The following FOXP2 variants were observed in gnomAD, a reference collection of about 807,000 sequenced individuals.
The protein encoded by FOXP2 is forkhead box protein P2.
FOXP2 carries 12 observed loss-of-function variants against 115.8 expected under a neutral mutation model. That is an observed-to-expected ratio of 0.10 (90% CI 0.07 to 0.17). The LOEUF is 0.17. Among genes scored for constraint, FOXP2 ranks in the 10% least tolerant of loss-of-function variants. The probability of loss-of-function intolerance (pLI) is 1.00; values close to 1 mark genes in which losing one functional copy is unlikely to be tolerated. For synonymous variants in FOXP2, 328 were observed against 297.7 expected (o/e 1.10, Z -1.05); for missense variants, 629 against 843.5 (o/e 0.75, Z 3.15).
intron 10 of FOXP2, chr7:114,656,575 T>C (rs1806602312): frequency 2.4e-6 from 1 of 417,474 alleles, no homozygotes; most frequent in Non-Finnish European, 4.8e-6. Context: ...TTTAGGAGCA[T>C]TATCTCAGCT....
intron 16 of FOXP2, among the ~76,000 whole-genome samples, chr7:114,675,669 T>C (rs1188355882): frequency 6.6e-6 from 1 of 152,168 alleles, no homozygotes; most frequent in Non-Finnish European, 1.5e-5. Flanking sequence ...GTACTGAAGA[T>C]TGTAGATGGT....
chr7:114,366,552 C>T (rs1791887852), intron 2 of FOXP2: 5 of 152,100 alleles, frequency 3.3e-5, no homozygotes, highest in Admixed American at 3.3e-4. Context: ...TGTCAATAAA[C>T]TCATCTGGCT....
intron 1 of FOXP2, chr7:114,419,744 A>ACC (rs956438554): frequency 5.9e-5 from 9 of 152,408 alleles, no homozygotes; most frequent in African/African-American, 1.9e-4. Context: ...ACACACACAC[A>ACC]CACCCCAGAA....
chr7:114,523,487 G>T (rs1798719307), intron 2 of FOXP2, among the ~76,000 whole-genome samples: 1 of 152,056 alleles, frequency 6.6e-6, no homozygotes, highest in African/African-American at 2.4e-5. Flanking sequence ...TAGATCTGCG[G>T]TAGCATTTCC....
chr7:114,631,785 GAGAA>G (rs1353771998), intron 6 of FOXP2, 80 bp downstream of exon 6: 69 of 1,473,194 alleles, frequency 4.7e-5, no homozygotes, highest in Middle Eastern at 3.4e-4. Flanking sequence ...CTTATACCTT[GAGAA>G]ATTTTGTTTT....
chr7:114,385,579 G>A (rs764328768), intron 2 of FOXP2, among the ~76,000 whole-genome samples: 4 of 152,132 alleles, frequency 2.6e-5, no homozygotes, highest in African/African-American at 9.7e-5. Context: ...CAGTAGAAGG[G>A]TTGGGGGTTG....
chr7:114,375,032 A>C (rs17136986), intron 2 of FOXP2, among the ~76,000 whole-genome samples: 1 of 152,130 alleles, frequency 6.6e-6, no homozygotes, highest in Non-Finnish European at 1.5e-5. Flanking sequence ...AGGTGGAAAC[A>C]CAGAAAAGTT....
At chr7:114,337,168 T>C (rs1797873211) in intron 2 of FOXP2, among the ~76,000 whole-genome samples, 2 of 151,456 alleles carry the variant, frequency 1.3e-5, no homozygotes, top group African/African-American at 4.8e-5. Context: ...TTATATATAA[T>C]GGTTTAAAAC....
intron 2 of FOXP2, among the ~76,000 whole-genome samples, chr7:114,349,282 G>A (rs1335698464): frequency 2.0e-5 from 3 of 151,886 alleles, no homozygotes; most frequent in Non-Finnish European, 2.9e-5. Context: ...TTTGATAGTG[G>A]GAATGTAAAG....
At chr7:114,172,896 T>C (rs958697772) in intron 1 of FOXP2, among the ~76,000 whole-genome samples, 12 of 152,128 alleles carry the variant, frequency 7.9e-5, no homozygotes, top group African/African-American at 2.9e-4. Context: ...TATTTCGTGA[T>C]GTTACAAAGC....
At chr7:114,362,346 T>C (rs1791770727) in intron 2 of FOXP2, among the ~76,000 whole-genome samples, 1 of 152,062 alleles carries the variant, frequency 6.6e-6, no homozygotes, top group South Asian at 2.1e-4. Flanking sequence ...GGTCACAAAG[T>C]TGAATTCCGG....
At chr7:114,612,199 T>A (rs1803666271) in intron 3 of FOXP2, among the ~76,000 whole-genome samples, 1 of 152,006 alleles carries the variant, frequency 6.6e-6, no homozygotes, top group Non-Finnish European at 1.5e-5. Flanking sequence ...GGATTTGATC[T>A]GGAAGATATT....
chr7:114,573,026 C>T (rs951072971), intron 3 of FOXP2, among the ~76,000 whole-genome samples: 1 of 151,806 alleles, frequency 6.6e-6, no homozygotes, highest in Admixed American at 6.6e-5. Context: ...TGCATCTCAT[C>T]TCTCAGATAG....
intron 1 of FOXP2, among the ~76,000 whole-genome samples, chr7:114,252,367 G>A (rs1795471870): frequency 6.6e-6 from 1 of 152,146 alleles, no homozygotes; most frequent in Admixed American, 6.6e-5. Flanking sequence ...AGAAGGAATG[G>A]TACCAGCTCC....
chr7:114,476,706 G>T (rs536007972), intron 2 of FOXP2, among the ~76,000 whole-genome samples: 1 of 151,978 alleles, frequency 6.6e-6, no homozygotes, highest in East Asian at 1.9e-4. Flanking sequence ...AGATTGGTTT[G>T]GGCAGTTTAG....
intron 1 of FOXP2, among the ~76,000 whole-genome samples, chr7:114,424,812 G>GT (rs1393809380): frequency 6.6e-5 from 10 of 150,880 alleles, no homozygotes; most frequent in East Asian, 2.0e-4. Flanking sequence ...GTTTTCTGTT[G>GT]TTTTTTTATT....
chr7:114,371,418 A>G (rs1036827633), intron 2 of FOXP2, among the ~76,000 whole-genome samples: 1 of 152,104 alleles, frequency 6.6e-6, no homozygotes, highest in African/African-American at 2.4e-5. Context: ...AAGGTAGATG[A>G]TACATCTTGG....
intron 6 of FOXP2, 115 bp downstream of exon 6, chr7:114,631,820 T>C (rs1410358727): frequency 9.5e-7 from 1 of 1,049,350 alleles, no homozygotes; most frequent in South Asian, 1.4e-5. Flanking sequence ...AAATTTATTA[T>C]TAAAACGTGA....
intron 1 of FOXP2, among the ~76,000 whole-genome samples, chr7:114,148,856 T>C (rs923211819): frequency 1.3e-5 from 2 of 152,190 alleles, no homozygotes; most frequent in Non-Finnish European, 2.9e-5. Context: ...CCGTTTCTAC[T>C]GTTCTAGTTC....
Sources: gnomAD v4.1 joint callset for allele counts (sites outside exome capture counted in the v4.1 genomes callset) on GRCh38, gnomAD v4.1.1 for gene constraint, MANE v1.5 for transcripts, NCBI Gene and HGNC (gene_info 2026-07-23, HGNC 2026-07-21) for gene names.